CD163L1: variants seen among roughly 807,000 people sequenced by gnomAD.
CD163L1 encodes the protein scavenger receptor cysteine-rich type 1 protein M160.
In CD163L1, 124 loss-of-function variants were observed where a neutral mutation model predicts 165.4. The observed-to-expected ratio is 0.75, with a 90% confidence interval of 0.65 to 0.87. The LOEUF is 0.87. CD163L1 is among the 40% of genes least tolerant of loss of function. The pLI is 0.00. For missense variants in CD163L1, 1,525 were observed against 1,799.9 expected, an observed-to-expected ratio of 0.85 and a Z score of 2.76; for synonymous variants, 585 against 662.2, an observed-to-expected ratio of 0.88 and a Z score of 1.79.
intron 4 of CD163L1, among the ~76,000 whole-genome samples, chr12:7,419,996 T>C (rs1325882738): frequency 1.3e-5 from 2 of 152,110 alleles, no homozygotes; most frequent in Non-Finnish European, 2.9e-5. Context: ...ATGGTACTAG[T>C]ATAAAAATAG....
intron 7 of CD163L1, 80 bp from the exon 8 acceptor site, chr12:7,396,495 C>T (rs4072798): frequency 1.5e-6 from 2 of 1,323,730 alleles, no homozygotes; most frequent in East Asian, 5.1e-5. Flanking sequence ...ACTATGATAC[C>T]CAGTTATTTG....
intron 8 of CD163L1, among the ~76,000 whole-genome samples, chr12:7,388,172 A>G (rs1460564077): frequency 2.0e-5 from 3 of 152,236 alleles, no homozygotes; most frequent in African/African-American, 7.2e-5. Context: ...TAAAACTACT[A>G]GAAGAAAACA....
chr12:7,341,708 T>C (rs1180917047), downstream of CD163L1, among the ~76,000 whole-genome samples: 1 of 152,108 alleles, frequency 6.6e-6, no homozygotes, highest in African/African-American at 2.4e-5. Flanking sequence ...AAAAATGGGA[T>C]GGGAAACGAC....
At chr12:7,375,213 A>C in intron 11 of CD163L1, 68 bp downstream of exon 11, 1 of 1,507,994 alleles carries the variant, frequency 6.6e-7, no homozygotes, top group Admixed American at 1.8e-5. Flanking sequence ...TCTTTCCTTT[A>C]ATCCCAACTC....
the CD163L1 span, among the ~76,000 whole-genome samples, chr12:7,322,723 A>G: frequency 7.9e-5 from 12 of 152,124 alleles, no homozygotes; most frequent in Non-Finnish European, 1.3e-4. Flanking sequence ...ATGAAGGAGA[A>G]TGATGATTAT....
downstream of CD163L1, among the ~76,000 whole-genome samples, chr12:7,345,147 T>C (rs1591858494): frequency 6.6e-6 from 1 of 152,062 alleles, no homozygotes; most frequent in South Asian, 2.1e-4. Context: ...TTTTTTTTTT[T>C]GCTCCACCAC....
In CD163L1 at chr12:7,379,059, C is replaced by A. The variant is rs1316668451; in HGVS notation, c.2290G>T (p.Ala764Ser). The A allele has an allele frequency of 1.9e-6, 3 of 1,614,164 alleles. No individual in the cohort carries two copies. The highest frequency in any genetic ancestry group is 2.5e-6 in the Non-Finnish European group (3 of 1,180,012). The change falls in exon 9 of 20, where the codon GCC becomes TCC. Residue 764 changes from alanine to serine, a missense_variant. Ala to Ser is a moderately conservative substitution (Grantham distance 99). Coordinates refer to ENST00000313599, the MANE Select transcript of CD163L1 (RefSeq NM_174941.6). ...CATCGTATACAATCCCAGAGAGAGG[C>A]TTCCCCTCCAGTGCAGCCAGAATTC... ...MSNSGCTGGE[A>S]SLWDCIRWEW...
At chr12:7,387,901 A>C (rs964385322) in intron 8 of CD163L1, among the ~76,000 whole-genome samples, 6 of 152,332 alleles carry the variant, frequency 3.9e-5, no homozygotes, top group Non-Finnish European at 8.8e-5. Context: ...TACAGTAACC[A>C]AAACAGCCTG....
Position 7,398,461 on chromosome 12 carries a change from G to A in CD163L1, c.1532C>T (p.Ala511Val), listed in dbSNP as rs1201513872. ...CHDRWSTRNA[A>V]VVCKQLGCGK... ...ACATCCCAATTGTTTACAAACAACA[G>A]CTGCATTCCTTGTGCTCCATCTGTC... Residue 511 changes from alanine to valine, a missense_variant, in exon 7 of 20, where the codon GCT (alanine) becomes GTT (valine). Physicochemically the swap from Ala to Val is moderately conservative, Grantham distance 64 (BLOSUM62 0). Transcript: ENST00000313599. The surrounding 1 kb of genome is among the most constrained non-coding windows in gnomAD (Gnocchi z 4.5). 6.2e-7 allele frequency: 1 copy of A among 1,613,896 alleles called. No individual in the cohort carries two copies. Among genetic ancestry groups the A allele is most frequent in the African/African-American group, 1.3e-5 (1 of 74,886 alleles).
intron 18 of CD163L1, 120 bp downstream of exon 18, chr12:7,367,116 C>T (rs753679397): frequency 3.0e-5 from 14 of 474,416 alleles, no homozygotes; most frequent in Admixed American, 7.0e-5. Context: ...GTTTCCCTTT[C>T]GCGTATTTTG....
intron 8 of CD163L1, among the ~76,000 whole-genome samples, chr12:7,387,813 T>C (rs1947553120): frequency 6.6e-6 from 1 of 152,124 alleles, no homozygotes; most frequent in African/African-American, 2.4e-5. Context: ...AGAACCTGAA[T>C]AACCACAGCA....
intron 14 of CD163L1, among the ~76,000 whole-genome samples, chr12:7,371,746 G>A (rs1591887616): frequency 6.6e-6 from 1 of 151,842 alleles, no homozygotes; most frequent in African/African-American, 2.4e-5. Context: ...CCAATGACAG[G>A]GATTTGGTGC....
chr12:7,427,375 G>A (rs1565814537), intron 4 of CD163L1, among the ~76,000 whole-genome samples: 1 of 152,096 alleles, frequency 6.6e-6, no homozygotes, highest in Non-Finnish European at 1.5e-5. Flanking sequence ...GATATCCCAT[G>A]TTTATGGATT....
intron 4 of CD163L1, among the ~76,000 whole-genome samples, chr12:7,409,649 C>T (rs950496555): frequency 2.6e-5 from 4 of 152,168 alleles, no homozygotes; most frequent in East Asian, 1.9e-4. Flanking sequence ...ATACCGTGAC[C>T]GGTACCAGTT....
intron 8 of CD163L1, among the ~76,000 whole-genome samples, chr12:7,382,220 T>G (rs1947426356): frequency 6.6e-6 from 1 of 152,006 alleles, no homozygotes; most frequent in East Asian, 1.9e-4. Context: ...GGTCCCGTGT[T>G]CAGGAATCCT....
chr12:7,439,647 T>C (rs1948786992), intron 2 of CD163L1: 2 of 1,612,548 alleles, frequency 1.2e-6, no homozygotes, highest in African/African-American at 2.7e-5. Flanking sequence ...CTGCTTTGGC[T>C]TTGTTCTCTG....
At chr12:7,405,366 G>A (rs1947996762) in intron 5 of CD163L1, among the ~76,000 whole-genome samples, 1 of 151,634 alleles carries the variant, frequency 6.6e-6, no homozygotes, top group Non-Finnish European at 1.5e-5. Flanking sequence ...TCTGTTATGT[G>A]GAGAAAAATT....
At chr12:7,405,956 T>C (rs1039501355) in intron 5 of CD163L1, among the ~76,000 whole-genome samples, 1 of 152,136 alleles carries the variant, frequency 6.6e-6, no homozygotes. Flanking sequence ...AAACTATAAA[T>C]AAACAGCGAG....
chr12:7,333,042 T>G, the CD163L1 span, among the ~76,000 whole-genome samples: 1 of 151,984 alleles, frequency 6.6e-6, no homozygotes, highest in Admixed American at 6.6e-5. Context: ...GAAACCCATC[T>G]CACCTGAAAC....
Sources: allele counts gnomAD v4.1 joint callset (sites outside exome capture counted in the v4.1 genomes callset), GRCh38; gene constraint gnomAD v4.1.1; non-coding constraint Gnocchi (gnomAD v3.1); transcripts MANE v1.5; gene names NCBI Gene and HGNC (gene_info 2026-07-23, HGNC 2026-07-21).